SDK1: variants seen among roughly 807,000 people sequenced by gnomAD.
SDK1 encodes sidekick cell adhesion molecule 1, also known as protein sidekick-1.
SDK1 carries 157 observed loss-of-function variants against 245.5 expected under a neutral mutation model. The ratio of observed to expected loss-of-function variants is 0.64; its 90% CI spans 0.56 to 0.73. The LOEUF is 0.73. Among genes scored for constraint, SDK1 ranks in the 30% least tolerant of loss-of-function variants. The pLI, the probability that SDK1 is intolerant of heterozygous loss-of-function variation, is 0.00. For missense variants in SDK1, 3,583 were observed against 3,002.3 expected (o/e 1.19, Z -4.52); for synonymous variants, 1,647 against 1,278.5 (o/e 1.29, Z -6.15).
intron 13 of SDK1, among the ~76,000 whole-genome samples, chr7:3,976,009 C>T (rs368845173): frequency 0.026 from 104 of 4,018 alleles, 3 homozygotes; most frequent in Middle Eastern, 0.1. Flanking sequence ...GGCTGCCACG[C>T]AGAGGATCCT....
intron 13 of SDK1, chr7:3,974,792 T>A (rs1253917781): frequency 2.3e-6 from 1 of 439,250 alleles, no homozygotes. Flanking sequence ...TTTCAGTTGA[T>A]CCTTTTTGTC....
chr7:3,729,260 G>A (rs1002647097), intron 4 of SDK1, among the ~76,000 whole-genome samples: 1 of 152,164 alleles, frequency 6.6e-6, no homozygotes, highest in African/African-American at 2.4e-5. Flanking sequence ...TAGATATTCA[G>A]GTTTGGGACT....
intron 5 of SDK1, among the ~76,000 whole-genome samples, chr7:3,867,087 C>T (rs185245542): frequency 5.3e-5 from 8 of 152,240 alleles, no homozygotes; most frequent in East Asian, 1.9e-4. Context: ...ATGGAAAAGC[C>T]GTATTTTTCC....
chr7:3,508,248 A>C (rs1445052681), intron 1 of SDK1, among the ~76,000 whole-genome samples: 1 of 150,980 alleles, frequency 6.6e-6, no homozygotes, highest in East Asian at 1.9e-4. Flanking sequence ...CTGTCCCTGA[A>C]GCTCTCAAAA....
At chr7:3,678,449 A>C (rs974117687) in intron 4 of SDK1, among the ~76,000 whole-genome samples, 1 of 152,246 alleles carries the variant, frequency 6.6e-6, no homozygotes, top group African/African-American at 2.4e-5. Flanking sequence ...AAAAGGCAGG[A>C]GCTTTGAAAA....
chr7:3,490,093 C>A (rs1420792884), intron 1 of SDK1, among the ~76,000 whole-genome samples: 1 of 151,992 alleles, frequency 6.6e-6, no homozygotes, highest in Non-Finnish European at 1.5e-5. Context: ...CATATTTAGG[C>A]GTAGGTACCA....
At chr7:3,399,131 A>T (rs754102195) in intron 1 of SDK1, among the ~76,000 whole-genome samples, 10 of 149,720 alleles carry the variant, frequency 6.7e-5, no homozygotes, top group Non-Finnish European at 8.8e-5. Context: ...GGTGCCAGAG[A>T]TTCTTTTCAT....
chr7:3,307,874 G>C (rs1779457726), intron 1 of SDK1, among the ~76,000 whole-genome samples: 1 of 152,132 alleles, frequency 6.6e-6, no homozygotes, highest in African/African-American at 2.4e-5. Context: ...CTGATTCTCT[G>C]ATCTTCTATA....
Position 4,161,860 on chromosome 7 carries a change from A to G in SDK1, c.4800+4A>G. Reference sequence around the variant, plus strand: ...CTCTGTCCTGATACAGTGGCAGGTAAGAGCGCGGGGAATCACGCGCGTTTT... The same window carrying G: ...CTCTGTCCTGATACAGTGGCAGGTAGGAGCGCGGGGAATCACGCGCGTTTT... On this transcript the variant is annotated splice_donor_region_variant and intron_variant, in intron 32 of 44. Coordinates refer to ENST00000404826, the MANE Select transcript of SDK1 (RefSeq NM_152744.4). 1 of 1,613,528 alleles carries G rather than the reference A, an allele frequency of 6.2e-7. No individual in the cohort carries two copies. The highest frequency in any genetic ancestry group is 1.1e-5 in the South Asian group (1 of 91,070).
intron 1 of SDK1, among the ~76,000 whole-genome samples, chr7:3,570,612 C>G (rs1453535982): frequency 3.9e-5 from 6 of 152,182 alleles, no homozygotes; most frequent in African/African-American, 9.7e-5. Flanking sequence ...TCTGGAAATA[C>G]TTCTTGTTTT....
chr7:3,871,648 A>G (rs10242459), intron 5 of SDK1, among the ~76,000 whole-genome samples: 40,213 of 152,094 alleles, frequency 0.26, 6,512 homozygotes, highest in African/African-American at 0.46. Flanking sequence ...ATCCCAGGGC[A>G]AGAGCAGAAG....
intron 1 of SDK1, among the ~76,000 whole-genome samples, chr7:3,444,206 G>C (rs1341067090): frequency 6.6e-6 from 1 of 152,190 alleles, no homozygotes; most frequent in African/African-American, 2.4e-5. Flanking sequence ...TCTGCCAGCT[G>C]TTGGCCTTCT....
chr7:3,746,957 G>A (rs1468269543), intron 4 of SDK1, among the ~76,000 whole-genome samples: 3 of 152,222 alleles, frequency 2.0e-5, no homozygotes, highest in African/African-American at 7.2e-5. Context: ...GACCATCAGA[G>A]GAGTCATCAT....
chr7:3,538,275 G>A (rs1778949848), intron 1 of SDK1, among the ~76,000 whole-genome samples: 1 of 152,126 alleles, frequency 6.6e-6, no homozygotes, highest in Non-Finnish European at 1.5e-5. Flanking sequence ...CCACTGCTGT[G>A]ATGTTTTCCA....
chr7:3,995,849 G>T (rs1045995213), intron 14 of SDK1, among the ~76,000 whole-genome samples: 23 of 151,454 alleles, frequency 1.5e-4, no homozygotes, highest in African/African-American at 5.3e-4. Context: ...TTGTAACAAG[G>T]ATTTTTTCAG....
intron 5 of SDK1, among the ~76,000 whole-genome samples, chr7:3,862,915 C>CA (rs2115120320): frequency 6.6e-6 from 1 of 152,288 alleles, no homozygotes; most frequent in South Asian, 2.1e-4. Context: ...GCACAGTTCA[C>CA]AATAGGGTTT....
intron 44 of SDK1, among the ~76,000 whole-genome samples, chr7:4,255,032 T>C (rs1484053538): frequency 6.6e-6 from 1 of 152,244 alleles, no homozygotes; most frequent in East Asian, 1.9e-4. Flanking sequence ...TGCTCCTCAC[T>C]TTCTGATCCA....
intron 1 of SDK1, among the ~76,000 whole-genome samples, chr7:3,412,557 C>T (rs531369539): frequency 3.3e-5 from 5 of 152,308 alleles, no homozygotes; most frequent in Non-Finnish European, 5.9e-5. Flanking sequence ...TTTGCTCTTA[C>T]GCAGAGTGCT....
At position 3,534,683 on chromosome 7, in the gene SDK1, G is replaced by T. The variant is rs746707077; in HGVS notation, c.299-84397G>T. 5.8e-4 allele frequency among the ~76,000 whole-genome samples: 89 copies of T among 152,240 alleles called. 1 individual carries two copies. The highest frequency in any genetic ancestry group is 9.4e-4 in the Non-Finnish European group (64 of 68,016). On this transcript the variant is annotated intron_variant, in intron 1 of 44. Transcript: ENST00000404826. ...CTAGAGGCTTTCCTCGGTTGTTTGT[G>T]ATACAGGTGTTAAGAAATTACTTAG...
Sources: allele counts gnomAD v4.1 joint callset (sites outside exome capture counted in the v4.1 genomes callset), GRCh38; gene constraint gnomAD v4.1.1; transcripts MANE v1.5; gene names NCBI Gene and HGNC (gene_info 2026-07-23, HGNC 2026-07-21).